RHOBTB1: variants seen among roughly 807,000 people sequenced by gnomAD.
RHOBTB1 encodes the protein rho-related BTB domain-containing protein 1.
Under a neutral mutation model 71.6 loss-of-function variants are expected in RHOBTB1, and 40 were observed. The ratio of observed to expected loss-of-function variants is 0.56; its 90% confidence interval spans 0.43 to 0.73. The LOEUF (loss-of-function observed/expected upper bound fraction) is 0.73. Ranked by LOEUF, RHOBTB1 falls within the 30% of genes least tolerant of loss-of-function variation. The pLI, the probability that RHOBTB1 is intolerant of heterozygous loss-of-function variation, is 0.00. For missense variants in RHOBTB1, 797 were observed against 894.0 expected, an observed-to-expected ratio of 0.89 and a Z score of 1.38; for synonymous variants, 319 against 334.9, an observed-to-expected ratio of 0.95 and a Z score of 0.52.
At chr10:60,881,315 T>C (rs181439860) in intron 7 of RHOBTB1, among the ~76,000 whole-genome samples, 53 of 152,338 alleles carry the variant, frequency 3.5e-4, no homozygotes, top group African/African-American at 1.1e-3. Context: ...ATACAATTAG[T>C]ATAGTTTTTT....
chr10:60,935,367 G>A (rs978243270), intron 2 of RHOBTB1, among the ~76,000 whole-genome samples: 2 of 152,048 alleles, frequency 1.3e-5, no homozygotes, highest in African/African-American at 4.8e-5. Flanking sequence ...TCTGGGTGCT[G>A]GTAATGTTCT....
chr10:60,950,922 A>G (rs73266070), intron 2 of RHOBTB1, among the ~76,000 whole-genome samples: 4,276 of 152,252 alleles, frequency 0.028, 146 homozygotes, highest in African/African-American at 0.083. Context: ...TAGTATTTGA[A>G]GTTTGAATGT....
intron 5 of RHOBTB1, among the ~76,000 whole-genome samples, 159 bp downstream of exon 5, chr10:60,892,651 C>T (rs558832106): frequency 1.3e-5 from 2 of 152,174 alleles, no homozygotes; most frequent in South Asian, 2.1e-4. Context: ...TAGAAGGGCT[C>T]AGGGCACACT....
chr10:60,893,657 C>T (rs2082030001), intron 4 of RHOBTB1, among the ~76,000 whole-genome samples: 1 of 152,058 alleles, frequency 6.6e-6, no homozygotes, highest in African/African-American at 2.4e-5. Flanking sequence ...TGATGACTAA[C>T]AAGATGAGAA....
At position 60,901,052 on chromosome 10, in the gene RHOBTB1, C is replaced by T. The variant is rs184349850; in HGVS notation, c.297-8057G>A. Among the ~76,000 whole-genome samples the T allele has an allele frequency of 5.4e-3, 822 of 152,218 alleles. 6 individuals are homozygous for T. The highest frequency in any genetic ancestry group is 0.019 in the African/African-American group (797 of 41,530). On this transcript the variant is annotated intron_variant, in intron 4 of 10. Transcript: ENST00000337910. ...AGGATTAATTCCAGGTAAGTTACAA[C>T]AGAATTAAGGCTTAAGAAAGCCCTC... is the stretch of plus-strand genomic sequence containing the variant.
intron 2 of RHOBTB1, among the ~76,000 whole-genome samples, chr10:60,941,410 G>A (rs2084896411): frequency 4.0e-5 from 6 of 151,840 alleles, no homozygotes; most frequent in Admixed American, 1.3e-4. Flanking sequence ...TACCTGAACC[G>A]TGATTCATGC....
At position 60,886,108 on chromosome 10, in the gene RHOBTB1, G is replaced by A. The variant is rs191448746; in HGVS notation, c.1575+4C>T. The A allele has an allele frequency of 2.0e-4, 328 of 1,601,846 alleles. 1 individual carries two copies. The highest frequency in any genetic ancestry group is 2.4e-4 in the Non-Finnish European group (286 of 1,168,844). On this transcript the variant is annotated splice_donor_region_variant and intron_variant, in intron 7 of 10. Transcript: ENST00000337910. ...CACCACTATGCTTTTAGGAAGGCAC[G>A]TACCTCACTGTTGGCACTTTCCACA...
chr10:60,951,071 A>G (rs1467259237), intron 2 of RHOBTB1, among the ~76,000 whole-genome samples: 1 of 152,190 alleles, frequency 6.6e-6, no homozygotes, highest in Non-Finnish European at 1.5e-5. Flanking sequence ...AATTTCCCCT[A>G]TGTTCATATC....
intron 1 of RHOBTB1, among the ~76,000 whole-genome samples, chr10:60,992,744 G>C (rs913977788): frequency 1.3e-5 from 2 of 152,126 alleles, no homozygotes; most frequent in Non-Finnish European, 2.9e-5. Flanking sequence ...CTGCAATTAT[G>C]AGAGTAAAAA....
rs533322651 is a variant in RHOBTB1, at chr10:60,871,444, C to T, written c.*38G>A. On this transcript the variant is annotated 3_prime_UTR_variant, in exon 11 of 11. Transcript: ENST00000337910. ...TTTGAAAAGTGGTGGATCAGATTAC[C>T]GATTGGTTTCTGTTTTTTGTTTTTT... is the stretch of plus-strand genomic sequence containing the variant. 4.9e-4 allele frequency: 776 copies of T among 1,597,338 alleles called. 8 individuals carry two copies. In the South Asian group the frequency reaches 8.2e-3, roughly 17 times the overall value.
intron 2 of RHOBTB1, among the ~76,000 whole-genome samples, chr10:60,971,924 A>G (rs529834949): frequency 1.3e-5 from 2 of 152,342 alleles, no homozygotes; most frequent in African/African-American, 4.8e-5. Flanking sequence ...TATGAAGCCA[A>G]TAAACATGAA....
rs774251217 is a variant in RHOBTB1, at chr10:60,878,016, A to G, written c.1618T>C (p.Leu540=). ...AACTGCTTGGTATAGAGATAATCCAATACTGCTTGCATTGATATCTTGTTT... is the reference window on the plus strand; with the variant it reads ...AACTGCTTGGTATAGAGATAATCCAGTACTGCTTGCATTGATATCTTGTTT... ...NINKISMQAV[L]DYLYTKQLSP... Residue 540 remains leucine, a synonymous_variant, in exon 8 of 11, where the codon TTG becomes CTG. Coordinates refer to ENST00000337910, the MANE Select transcript of RHOBTB1 (RefSeq NM_014836.5). The G allele has an allele frequency of 7.4e-5, 120 of 1,613,232 alleles. No individual in the cohort carries two copies. The highest frequency in any genetic ancestry group is 9.6e-5 in the Non-Finnish European group (113 of 1,179,522).
intron 8 of RHOBTB1, among the ~76,000 whole-genome samples, chr10:60,875,664 C>T (rs892393472): frequency 2.0e-5 from 3 of 152,180 alleles, no homozygotes; most frequent in African/African-American, 4.8e-5. Flanking sequence ...TGATTGCGTA[C>T]GTCTGTCTCA....
rs949561183 is a variant in RHOBTB1, at chr10:60,880,112, G to A, written c.1576-2054C>T. Among the ~76,000 whole-genome samples, 6 of 151,518 alleles carry A rather than the reference G, an allele frequency of 4.0e-5. No individual in the cohort carries two copies. The South Asian group carries it at 6.4e-4, about 16-fold the overall frequency. On this transcript the variant is annotated intron_variant, in intron 7 of 10. Coordinates refer to ENST00000337910, the MANE Select transcript of RHOBTB1 (RefSeq NM_014836.5). ...TTATATGAGGAATTTGAGCACTCATGGATTTGGCTGTCTGAGTTGGGGGGG... is the reference window on the plus strand; with the variant it reads ...TTATATGAGGAATTTGAGCACTCATAGATTTGGCTGTCTGAGTTGGGGGGG...
chr10:60,916,415 C>T (rs549502874), intron 2 of RHOBTB1, among the ~76,000 whole-genome samples: 10 of 152,282 alleles, frequency 6.6e-5, no homozygotes, highest in South Asian at 6.2e-4. Context: ...CAGGTGAAAC[C>T]AGCAGTGGAA....
intron 7 of RHOBTB1, among the ~76,000 whole-genome samples, chr10:60,884,174 C>T (rs533294776): frequency 6.6e-6 from 1 of 152,332 alleles, no homozygotes; most frequent in African/African-American, 2.4e-5. Context: ...TTCTCAGCCC[C>T]TGCTATCCAA....
intron 2 of RHOBTB1, among the ~76,000 whole-genome samples, chr10:60,954,347 C>T (rs1412508218): frequency 6.6e-6 from 1 of 152,142 alleles, no homozygotes; most frequent in East Asian, 1.9e-4. Context: ...TATAAAAATA[C>T]AGAAGATATA....
In RHOBTB1 at chr10:60,918,689, G is replaced by A. The variant is rs568068669; in HGVS notation, c.-10-7137C>T. ...GTGAATCATCCCGCCATTGGAATATGCTGCATCTTATCACTTACACTATGT... is the reference window on the plus strand; with the variant it reads ...GTGAATCATCCCGCCATTGGAATATACTGCATCTTATCACTTACACTATGT... On this transcript the variant is annotated intron_variant, in intron 2 of 10. Coordinates refer to ENST00000337910, the MANE Select transcript of RHOBTB1 (RefSeq NM_014836.5). Among the ~76,000 whole-genome samples the A allele has an allele frequency of 1.9e-3, 294 of 152,146 alleles. 1 individual carries two copies. The highest frequency in any genetic ancestry group is 6.7e-3 in the African/African-American group (279 of 41,522).
intron 4 of RHOBTB1, among the ~76,000 whole-genome samples, chr10:60,896,998 C>T (rs1247365894): frequency 6.6e-6 from 1 of 151,790 alleles, no homozygotes; most frequent in South Asian, 2.1e-4. Context: ...AGTTATCTTT[C>T]GAGGGGAACA....
Sources: gnomAD v4.1 joint callset for allele counts (sites outside exome capture counted in the v4.1 genomes callset) on GRCh38, gnomAD v4.1.1 for gene constraint, MANE v1.5 for transcripts, NCBI Gene and HGNC (gene_info 2026-07-23, HGNC 2026-07-21) for gene names.